The following SHTN1 variants were observed in gnomAD, a reference collection of about 807,000 sequenced individuals.
SHTN1 encodes the protein shootin-1.
A neutral mutation model predicts 83.1 loss-of-function variants in SHTN1; 42 were observed. The ratio of observed to expected loss-of-function variants is 0.51; its 90% CI spans 0.39 to 0.65. SHTN1 has a LOEUF of 0.65. Ranked by LOEUF, SHTN1 falls within the 30% of genes least tolerant of loss-of-function variation. SHTN1 has a pLI of 0.00. For missense variants in SHTN1, 622 were observed against 737.8 expected (o/e 0.84, Z 1.82); for synonymous variants, 224 against 247.7 (o/e 0.90, Z 0.90).
At chr10:117,077,185 A>G (rs186951298) in intron 1 of SHTN1, among the ~76,000 whole-genome samples, 4 of 152,340 alleles carry the variant, frequency 2.6e-5, no homozygotes, top group Admixed American at 6.5e-5. Context: ...ATAAGCAGAA[A>G]GTGTGGTCAT....
intron 1 of SHTN1, among the ~76,000 whole-genome samples, chr10:117,073,776 C>T (rs1407573754): frequency 1.3e-5 from 2 of 152,204 alleles, no homozygotes; most frequent in African/African-American, 2.4e-5. Flanking sequence ...ATTCTGTCTC[C>T]TTCAGGTGAG....
intron 2 of SHTN1, among the ~76,000 whole-genome samples, chr10:116,970,574 C>T (rs1850579658): frequency 6.6e-6 from 1 of 151,952 alleles, no homozygotes; most frequent in African/African-American, 2.4e-5. Flanking sequence ...GTTAGCTGGG[C>T]GTGGTGGCAC....
chr10:117,125,115 C>T lies in SHTN1; in HGVS notation c.-189+1192G>A, dbSNP rs561450264. Among the ~76,000 whole-genome samples the T allele has an allele frequency of 1.2e-4, 19 of 152,250 alleles. No individual in the cohort carries two copies. The South Asian group carries it at 3.5e-3, about 28-fold the overall frequency. Reference sequence around the variant, plus strand: ...TATTTGTCTCAGAATTGCAAGAACCCCTCCGATGCTGGCAGACATCACTAA... The same window carrying T: ...TATTTGTCTCAGAATTGCAAGAACCTCTCCGATGCTGGCAGACATCACTAA... On this transcript the variant is annotated intron_variant, in intron 1 of 17. Coordinates refer to the SHTN1 transcript ENST00000392901.
intron 2 of SHTN1, among the ~76,000 whole-genome samples, chr10:117,014,710 A>G (rs1269599015): frequency 6.6e-6 from 1 of 152,218 alleles, no homozygotes; most frequent in African/African-American, 2.4e-5. Context: ...AAATTGTACA[A>G]TAAAAACCAT....
chr10:117,106,659 C>T (rs1300701868), intron 1 of SHTN1, among the ~76,000 whole-genome samples: 1 of 152,102 alleles, frequency 6.6e-6, no homozygotes, highest in African/African-American at 2.4e-5. Flanking sequence ...AGCTCCCTAG[C>T]CTGGCATTTA....
At chr10:117,098,973 A>G (rs1353889652) in intron 1 of SHTN1, among the ~76,000 whole-genome samples, 1 of 101,236 alleles carries the variant, frequency 9.9e-6, no homozygotes, top group African/African-American at 3.6e-5. Flanking sequence ...GCATAAATCA[A>G]AAGTATAATG....
At chr10:117,091,229 C>T (rs1853426090) in intron 1 of SHTN1, among the ~76,000 whole-genome samples, 1 of 152,176 alleles carries the variant, frequency 6.6e-6, no homozygotes, top group Admixed American at 6.5e-5. Context: ...CGAGCTTACG[C>T]GTTGTGCCAG....
chr10:117,028,911 C>T (rs1053904051), intron 2 of SHTN1, among the ~76,000 whole-genome samples: 1 of 152,206 alleles, frequency 6.6e-6, no homozygotes, highest in African/African-American at 2.4e-5. Context: ...CACTGAGGCA[C>T]TGCCTGATGG....
At chr10:117,012,446 C>A (rs941960794) in intron 2 of SHTN1, among the ~76,000 whole-genome samples, 1 of 151,776 alleles carries the variant, frequency 6.6e-6, no homozygotes, top group Non-Finnish European at 1.5e-5. Flanking sequence ...TTGATCCACA[C>A]AAATATAGTG....
chr10:116,960,710 T>C (rs766129864), intron 3 of SHTN1, among the ~76,000 whole-genome samples: 8 of 152,192 alleles, frequency 5.3e-5, no homozygotes, highest in Non-Finnish European at 1.2e-4. Context: ...ATGTGGCGAC[T>C]TGGCTAAGTA....
chr10:116,961,126 A>G (rs1850169905), intron 3 of SHTN1, among the ~76,000 whole-genome samples: 1 of 152,158 alleles, frequency 6.6e-6, no homozygotes, highest in Non-Finnish European at 1.5e-5. Flanking sequence ...GCTTAAAAAA[A>G]AAAAAATTAA....
intron 1 of SHTN1, among the ~76,000 whole-genome samples, chr10:117,104,383 G>A (rs770856286): frequency 2.0e-5 from 3 of 152,284 alleles, no homozygotes; most frequent in South Asian, 4.1e-4. Context: ...GGGTACAAGA[G>A]TGTCTTCCTC....
At chr10:116,921,409 T>C in intron 12 of SHTN1, 25 bp downstream of exon 12, 1 of 1,567,696 alleles carries the variant, frequency 6.4e-7, no homozygotes, top group Non-Finnish European at 8.8e-7. Flanking sequence ...CATCAACCAC[T>C]TACACCAATA....
intron 9 of SHTN1, among the ~76,000 whole-genome samples, chr10:116,936,512 G>C (rs923508304): frequency 1.3e-5 from 2 of 152,188 alleles, no homozygotes; most frequent in African/African-American, 4.8e-5. Flanking sequence ...TTTCTAATTT[G>C]ATTGCACTGT....
intron 3 of SHTN1, among the ~76,000 whole-genome samples, chr10:116,963,501 T>C (rs1043756957): frequency 6.6e-6 from 1 of 152,104 alleles, no homozygotes; most frequent in African/African-American, 2.4e-5. Flanking sequence ...TTGGATGACA[T>C]GAGGTTTAAA....
intron 15 of SHTN1, among the ~76,000 whole-genome samples, chr10:116,906,067 G>A (rs1490942169): frequency 6.6e-6 from 1 of 152,244 alleles, no homozygotes; most frequent in South Asian, 2.1e-4. Context: ...TGATTTTCCT[G>A]CATTTGTAAC....
intron 3 of SHTN1, among the ~76,000 whole-genome samples, chr10:116,963,046 T>TG (rs1850245668): frequency 4.7e-4 from 4 of 8,480 alleles, no homozygotes; most frequent in East Asian, 4.8e-3. Flanking sequence ...TTTTTTTTTT[T>TG]TTTTTTTTTT....
At chr10:116,996,737 A>C (rs1265654854) in intron 1 of SHTN1, among the ~76,000 whole-genome samples, 1 of 152,240 alleles carries the variant, frequency 6.6e-6, no homozygotes, top group Non-Finnish European at 1.5e-5. Flanking sequence ...TCTTGAAATA[A>C]AACATGACTG....
intron 3 of SHTN1, among the ~76,000 whole-genome samples, chr10:116,965,969 GACAAATAT>G (rs1318094805): frequency 6.6e-6 from 1 of 152,034 alleles, no homozygotes; most frequent in Non-Finnish European, 1.5e-5. Flanking sequence ...ACAGTTTTCT[GACAAATAT>G]TTAAAGTTTT....
Sources: allele counts gnomAD v4.1 joint callset (sites outside exome capture counted in the v4.1 genomes callset), GRCh38; gene constraint gnomAD v4.1.1; transcripts MANE v1.5; gene names NCBI Gene and HGNC (gene_info 2026-07-23, HGNC 2026-07-21).